Variants in EYA1 observed in about 807,000 individuals in gnomAD.
EYA1 encodes the protein EYA transcriptional coactivator and phosphatase 1.
In EYA1, 16 loss-of-function variants were observed where a neutral mutation model predicts 82.0. The ratio of observed to expected loss-of-function variants is 0.20; its 90% CI spans 0.13 to 0.30. EYA1 has a LOEUF of 0.30. EYA1 is among the 10% of genes least tolerant of loss of function. The pLI is 1.00. For missense variants in EYA1, 633 were observed against 730.7 expected (o/e 0.87, Z 1.54); for synonymous variants, 261 against 264.4 (o/e 0.99, Z 0.12).
chr8:71,310,269 A>T (rs1486171812), intron 7 of EYA1, among the ~76,000 whole-genome samples: 2 of 152,190 alleles, frequency 1.3e-5, no homozygotes, highest in Admixed American at 6.5e-5. Flanking sequence ...TTTTATATAT[A>T]TTTTTAACTT....
At position 71,338,564 on chromosome 8, in the gene EYA1, T is replaced by C. The variant is rs915209764; in HGVS notation, c.125-4390A>G. ...AACCCATCATACCATGATTCCATGC[T>C]TATCAAGCAACTTCTGGTTATACCT... On this transcript the variant is annotated intron_variant, in intron 3 of 17. Transcript: ENST00000340726. Among the ~76,000 whole-genome samples the C allele has an allele frequency of 2.6e-5, 4 of 152,368 alleles. No homozygotes were observed. In the South Asian group the frequency reaches 8.3e-4, roughly 32 times the overall value.
At chr8:71,547,002 G>T (rs979112337) in intron 1 of EYA1, among the ~76,000 whole-genome samples, 1 of 152,118 alleles carries the variant, frequency 6.6e-6, no homozygotes, top group Admixed American at 6.5e-5. Context: ...TACACAGCGG[G>T]CATTATTCCC....
chr8:71,429,005 T>C (rs1449967323), intron 2 of EYA1, among the ~76,000 whole-genome samples: 2 of 152,150 alleles, frequency 1.3e-5, no homozygotes, highest in Non-Finnish European at 2.9e-5. Flanking sequence ...GGAAAACAGA[T>C]CTTGAAAGTG....
chr8:71,521,085 A>T (rs1465487627), intron 2 of EYA1, among the ~76,000 whole-genome samples: 1 of 151,982 alleles, frequency 6.6e-6, no homozygotes, highest in Non-Finnish European at 1.5e-5. Flanking sequence ...AAAAATCTTT[A>T]TTTTTTTCTA....
intron 7 of EYA1, among the ~76,000 whole-genome samples, chr8:71,313,046 GTCTC>G (rs1448305857): frequency 2.6e-5 from 4 of 152,130 alleles, no homozygotes; most frequent in Non-Finnish European, 5.9e-5. Context: ...GTTGATGACT[GTCTC>G]TCTCCCACCA....
chr8:71,484,757 A>G (rs528344489), intron 2 of EYA1, among the ~76,000 whole-genome samples: 18 of 152,308 alleles, frequency 1.2e-4, no homozygotes, highest in African/African-American at 4.1e-4. Context: ...TGTCCCAGGG[A>G]GCTATTCCAC....
upstream of EYA1, among the ~76,000 whole-genome samples, chr8:71,364,077 C>A: frequency 6.6e-6 from 1 of 151,388 alleles, no homozygotes; most frequent in African/African-American, 2.4e-5. Context: ...TTTATATAAC[C>A]AAATGAAATA....
At chr8:71,211,657 TAA>T (rs1808527783) in intron 16 of EYA1, among the ~76,000 whole-genome samples, 1 of 152,212 alleles carries the variant, frequency 6.6e-6, no homozygotes, top group Non-Finnish European at 1.5e-5. Flanking sequence ...AACTTGATTT[TAA>T]AAAGTTTTTT....
intron 2 of EYA1, among the ~76,000 whole-genome samples, chr8:71,378,036 ATCT>A (rs1420722984): frequency 6.6e-6 from 1 of 152,128 alleles, no homozygotes; most frequent in Non-Finnish European, 1.5e-5. Context: ...TCTCTCCAAC[ATCT>A]TCTCCCATGT....
chr8:71,433,169 G>A lies in EYA1; in HGVS notation c.34-76658C>T, dbSNP rs370622565. On this transcript the variant is annotated intron_variant, in intron 2 of 18. Coordinates refer to the EYA1 transcript ENST00000643681. ...TACTATAGCTTCTGGAAGTATGAAAGGTATATATTTACAATTTTTTCCTTA... is the reference window on the plus strand; with the variant it reads ...TACTATAGCTTCTGGAAGTATGAAAAGTATATATTTACAATTTTTTCCTTA... 5.9e-5 allele frequency among the ~76,000 whole-genome samples: 9 copies of A among 151,960 alleles called. No individual in the cohort carries two copies. The South Asian group carries it at 1.9e-3, about 32-fold the overall frequency.
chr8:71,262,482 T>C lies in EYA1; in HGVS notation c.1050+7258A>G, dbSNP rs144711436. On this transcript the variant is annotated intron_variant, in intron 11 of 17. Coordinates refer to ENST00000340726, the MANE Select transcript of EYA1 (RefSeq NM_000503.6). ...GTTCATGAAGTACTTATGAGTATTT[T>C]TCTAGGTGGTTCACATTGTTCCCCT... 4.1e-3 allele frequency among the ~76,000 whole-genome samples: 628 copies of C among 152,288 alleles called. 4 individuals are homozygous for C. The highest frequency in any genetic ancestry group is 0.015 in the African/African-American group (605 of 41,550).
chr8:71,322,615 G>C (rs1822704657), intron 4 of EYA1, among the ~76,000 whole-genome samples: 1 of 152,188 alleles, frequency 6.6e-6, no homozygotes, highest in African/African-American at 2.4e-5. Flanking sequence ...TGTGCTGAAA[G>C]GGGAGGTATG....
chr8:71,345,061 T>C (rs888590127), intron 3 of EYA1, among the ~76,000 whole-genome samples: 12 of 152,222 alleles, frequency 7.9e-5, no homozygotes, highest in African/African-American at 2.2e-4. Context: ...AATATATCTT[T>C]TCCTCACCTG....
chr8:71,270,123 A>G (rs1816339809), intron 10 of EYA1: 1 of 305,834 alleles, frequency 3.3e-6, no homozygotes, highest in African/African-American at 2.2e-5. Context: ...AATAAATGAA[A>G]AAAATGAGTT....
chr8:71,325,756 G>A (rs1823078134), intron 4 of EYA1, among the ~76,000 whole-genome samples: 1 of 152,182 alleles, frequency 6.6e-6, no homozygotes, highest in Non-Finnish European at 1.5e-5. Flanking sequence ...TACTGAATGT[G>A]TCAAAGGCCA....
At chr8:71,322,046 T>C in intron 5 of EYA1, 153 bp downstream of exon 5, 2 of 1,096,552 alleles carry the variant, frequency 1.8e-6, no homozygotes, top group South Asian at 1.3e-5. Flanking sequence ...CACTACATGA[T>C]GCTCAAAATA....
chr8:71,260,578 T>C (rs1004755429), intron 11 of EYA1, among the ~76,000 whole-genome samples: 2 of 152,204 alleles, frequency 1.3e-5, no homozygotes, highest in African/African-American at 4.8e-5. Context: ...ATAATTAATC[T>C]TGAGACAGGA....
chr8:71,306,248 G>T (rs1250249140), intron 7 of EYA1, among the ~76,000 whole-genome samples: 1 of 120,932 alleles, frequency 8.3e-6, no homozygotes, highest in African/African-American at 3.1e-5. Context: ...ATCCAAAGAA[G>T]ATCAGAGAAT....
At chr8:71,386,321 C>T (rs965955557) in intron 2 of EYA1, among the ~76,000 whole-genome samples, 5 of 152,134 alleles carry the variant, frequency 3.3e-5, no homozygotes, top group East Asian at 1.9e-4. Flanking sequence ...GCAAAATGCA[C>T]TCATGAGGGA....
Sources: gnomAD v4.1 joint callset for allele counts (sites outside exome capture counted in the v4.1 genomes callset) on GRCh38, gnomAD v4.1.1 for gene constraint, MANE v1.5 for transcripts, NCBI Gene and HGNC (gene_info 2026-07-23, HGNC 2026-07-21) for gene names.